TRIM54: variants seen among roughly 807,000 people sequenced by gnomAD.
TRIM54 encodes the protein tripartite motif containing 54, also known as tripartite motif-containing protein 54.
In TRIM54, 40 loss-of-function variants were observed where a neutral mutation model predicts 42.0. That is an observed-to-expected ratio of 0.95 (90% CI 0.74 to 1.24). The LOEUF (loss-of-function observed/expected upper bound fraction) is 1.24. Among genes scored for constraint, TRIM54 ranks in the 50% most tolerant of loss-of-function variants. The pLI is 0.00. For synonymous variants in TRIM54, 199 were observed against 194.9 expected, an observed-to-expected ratio of 1.02 and a Z score of -0.17; for missense variants, 485 against 480.3, an observed-to-expected ratio of 1.01 and a Z score of -0.09.
intron 3 of TRIM54, among the ~76,000 whole-genome samples, chr2:27,300,075 A>G (rs111808954): frequency 1.3e-5 from 2 of 150,852 alleles, no homozygotes; most frequent in East Asian, 1.9e-4. Flanking sequence ...TCCTGGGCTC[A>G]AGTGATCCCT....
At chr2:27,289,615 C>G (rs1303557939) in intron 1 of TRIM54, among the ~76,000 whole-genome samples, 1 of 151,926 alleles carries the variant, frequency 6.6e-6, no homozygotes. Flanking sequence ...CTGCACATGG[C>G]CAGATTTTAC....
At position 27,306,055 on chromosome 2, in the gene TRIM54, C is replaced by G. The variant is rs1679194304; in HGVS notation, c.844-25C>G. 4 of 1,613,386 alleles carry G rather than the reference C, an allele frequency of 2.5e-6. No individual in the cohort carries two copies. The highest frequency in any genetic ancestry group is 3.4e-6 in the Non-Finnish European group (4 of 1,179,968). Reference sequence around the variant, plus strand: ...TGCCCAGGTTGGCCCAGTGCTTACTCTCACCCTCCTTTTCTTCCCTGCAGC... The same window carrying G: ...TGCCCAGGTTGGCCCAGTGCTTACTGTCACCCTCCTTTTCTTCCCTGCAGC... On this transcript the variant is annotated intron_variant, in intron 5 of 8. Transcript: ENST00000380075. The surrounding 1 kb of genome is among the most constrained non-coding windows in gnomAD (Gnocchi z 6.1).
rs13412579 is a variant in TRIM54, at chr2:27,299,166, G to A, written c.342-79G>A. 1,867 of 1,529,678 alleles carry A rather than the reference G, an allele frequency of 1.2e-3. 12 individuals are homozygous for A. The African/African-American group carries it at 0.023, about 19-fold the overall frequency. 94.8% of individuals were successfully genotyped at this position (1,529,678 alleles called of 1,614,324 possible). ...TGCAGGGGCGGAGAAGGTGGTGGCA[G>A]TTGGTGGAGGCTGAAGAGAAGGTAT... is the stretch of plus-strand genomic sequence containing the variant. On this transcript the variant is annotated intron_variant, in intron 2 of 8. Transcript: ENST00000380075.
At chr2:27,304,227 GAT>G (rs1428711531) in intron 3 of TRIM54, among the ~76,000 whole-genome samples, 1 of 78,278 alleles carries the variant, frequency 1.3e-5, no homozygotes, top group African/African-American at 6.7e-5. Context: ...TATATATATA[GAT>G]AGATAGATAG....
At position 27,307,352 on chromosome 2, in the gene TRIM54, G is replaced by A. The variant is rs1240767231; in HGVS notation, c.*467G>A. ...TGGCCCGGGGGCCCCACCTTCCCAC[G>A]GGTTCCCACGCTGCTGTGACTGCCC... On this transcript the variant is annotated 3_prime_UTR_variant, in exon 9 of 9. Transcript: ENST00000380075. This position sits in a 1 kb window ranked among gnomAD's most constrained non-coding sequence, Gnocchi z 6.9. The A allele has an allele frequency of 1.6e-5, 20 of 1,228,012 alleles. No homozygotes were observed. The highest frequency in any genetic ancestry group is 2.0e-5 in the Non-Finnish European group (18 of 914,328). The allele number at this position is 1,228,012 out of a possible 1,614,324, so 76.1% of individuals were successfully genotyped here. A position where few individuals can be genotyped will look rare whatever the true frequency, so the allele number is the denominator to read the frequency against.
intron 4 of TRIM54, 145 bp from the exon 5 acceptor site, chr2:27,305,439 T>G (rs1572532643): frequency 1.6e-6 from 1 of 644,516 alleles, no homozygotes; most frequent in Non-Finnish European, 2.7e-6. Context: ...GGAAAAGATC[T>G]GGGCTGGGTT....
chr2:27,298,534 G>A (rs374440228), intron 1 of TRIM54, 33 bp from the exon 2 acceptor site: 40 of 1,592,220 alleles, frequency 2.5e-5, no homozygotes, highest in Middle Eastern at 1.9e-4. Context: ...ATGCCTCCCC[G>A]TGCCTGTTCT....
At chr2:27,302,111 G>A (rs1003937328) in intron 3 of TRIM54, among the ~76,000 whole-genome samples, 1 of 151,812 alleles carries the variant, frequency 6.6e-6, no homozygotes, top group African/African-American at 2.4e-5. Flanking sequence ...CTGAGATTGC[G>A]CTATTGCATT....
Position 27,299,245 on chromosome 2 carries a change from G to A in TRIM54, c.342G>A (p.Arg114=), listed in dbSNP as rs757346778. The part of the protein sequence containing the change: ...IIDIYKQESS[R]PLHSKAEQHL... ...CCTCCCCCTGCCCACTCCTCTCTAGGCCGCTGCACTCCAAGGCTGAGCAGC... is the reference window on the plus strand; with the variant it reads ...CCTCCCCCTGCCCACTCCTCTCTAGACCGCTGCACTCCAAGGCTGAGCAGC... The change falls in exon 3 of 9, where the codon AGG becomes AGA. Residue 114 remains arginine, a splice_region_variant and synonymous_variant. Coordinates refer to ENST00000380075, the MANE Select transcript of TRIM54 (RefSeq NM_187841.3). 1.9e-5 allele frequency: 30 copies of A among 1,613,576 alleles called. No individual in the cohort carries two copies. Among genetic ancestry groups the A allele is most frequent in the African/African-American group, 2.7e-5 (2 of 74,906 alleles).
chr2:27,299,675 C>CCTATCTAT (rs112702645), intron 3 of TRIM54: 81,214 of 578,866 alleles, frequency 0.14, 5,536 homozygotes, highest in African/African-American at 0.23. Context: ...CGCACTCAGC[C>CCTATCTAT]CTATCTATCT....
chr2:27,283,690 T>A (rs979744732), intron 1 of TRIM54, among the ~76,000 whole-genome samples: 3 of 151,912 alleles, frequency 2.0e-5, no homozygotes, highest in Non-Finnish European at 4.4e-5. Context: ...GCTTTTTTTT[T>A]TTTTCCTGTG....
intron 3 of TRIM54, among the ~76,000 whole-genome samples, chr2:27,304,413 C>T (rs373316962): frequency 2.3e-3 from 194 of 85,714 alleles, no homozygotes; most frequent in African/African-American, 9.2e-3. Flanking sequence ...AGCAAGACTC[C>T]GTCTCAAAAA....
intron 3 of TRIM54, among the ~76,000 whole-genome samples, chr2:27,300,566 T>TTATTATTAGTAGTAGTACTAATAATAA (rs1679003139): frequency 6.6e-6 from 1 of 150,470 alleles, no homozygotes; most frequent in Admixed American, 6.6e-5. Flanking sequence ...ATAATAATAT[T>TTATTATTAGTAGTAGTACTAATAATAA]TATTAGTAGT....
intron 1 of TRIM54, among the ~76,000 whole-genome samples, chr2:27,288,040 C>T (rs1012871987): frequency 1.3e-5 from 2 of 152,238 alleles, no homozygotes; most frequent in African/African-American, 4.8e-5. Context: ...TTCTACCGCC[C>T]ATAGCTAGCC....
chr2:27,284,813 G>A (rs1298099422), intron 1 of TRIM54, among the ~76,000 whole-genome samples: 1 of 152,144 alleles, frequency 6.6e-6, no homozygotes, highest in East Asian at 1.9e-4. Context: ...GTAGAAAAGT[G>A]GTCAGAAGGG....
chr2:27,294,312 G>A (rs924182116), intron 1 of TRIM54, among the ~76,000 whole-genome samples: 1 of 151,864 alleles, frequency 6.6e-6, no homozygotes, highest in African/African-American at 2.4e-5. Context: ...GTAGAGACGT[G>A]GTTTCACTGT....
At chr2:27,294,111 G>C (rs1678800008) in intron 1 of TRIM54, among the ~76,000 whole-genome samples, 1 of 152,022 alleles carries the variant, frequency 6.6e-6, no homozygotes. Flanking sequence ...TTAGCTCTAA[G>C]GGTTTTTTTG....
At chr2:27,304,785 C>A in intron 3 of TRIM54, 174 bp from the exon 4 acceptor site, 1 of 521,756 alleles carries the variant, frequency 1.9e-6, no homozygotes, top group Non-Finnish European at 3.5e-6. Context: ...CTTCCAGAAT[C>A]ACTAGAATGT....
intron 3 of TRIM54, among the ~76,000 whole-genome samples, chr2:27,299,998 T>TG (rs1274842910): frequency 1.3e-5 from 2 of 151,460 alleles, no homozygotes; most frequent in African/African-American, 4.9e-5. Flanking sequence ...TTAAGAGATG[T>TG]GGGGATCTCT....
Sources: gnomAD v4.1 joint callset for allele counts (sites outside exome capture counted in the v4.1 genomes callset) on GRCh38, gnomAD v4.1.1 for gene constraint, Gnocchi (gnomAD v3.1) non-coding constraint, MANE v1.5 for transcripts, NCBI Gene and HGNC (gene_info 2026-07-23, HGNC 2026-07-21) for gene names.